The following FBXW8 variants were observed in gnomAD, a reference collection of about 807,000 sequenced individuals.
The protein encoded by FBXW8 is F-box and WD repeat domain containing 8, also known as F-box/WD repeat-containing protein 8.
FBXW8 carries 57 observed loss-of-function variants against 65.3 expected under a neutral mutation model. That is an observed-to-expected ratio of 0.87 (90% confidence interval 0.71 to 1.09). FBXW8 has a LOEUF of 1.09. Ranked by LOEUF, FBXW8 falls within the 50% of genes least tolerant of loss-of-function variation. FBXW8 has a pLI of 0.00. For missense variants in FBXW8, 777 were observed against 814.8 expected, an observed-to-expected ratio of 0.95 and a Z score of 0.57; for synonymous variants, 308 against 330.2, an observed-to-expected ratio of 0.93 and a Z score of 0.73.
At chr12:116,992,399 C>T (rs1019699611) in intron 7 of FBXW8, among the ~76,000 whole-genome samples, 6 of 146,424 alleles carry the variant, frequency 4.1e-5, no homozygotes, top group Non-Finnish European at 6.0e-5. Flanking sequence ...TATTTTTGCC[C>T]TTTTTTTTTT....
intron 6 of FBXW8, among the ~76,000 whole-genome samples, chr12:116,987,778 C>T (rs1885831296): frequency 6.6e-6 from 1 of 152,188 alleles, no homozygotes; most frequent in African/African-American, 2.4e-5. Flanking sequence ...CCCCATGGTT[C>T]AGAATTTAAA....
intron 8 of FBXW8, among the ~76,000 whole-genome samples, chr12:117,021,696 T>C (rs1252769904): frequency 1.3e-5 from 2 of 152,270 alleles, no homozygotes; most frequent in African/African-American, 2.4e-5. Flanking sequence ...TACTGAATTC[T>C]CTGGGACTGT....
At chr12:116,957,338 T>C (rs1883714519) in intron 4 of FBXW8, among the ~76,000 whole-genome samples, 1 of 152,116 alleles carries the variant, frequency 6.6e-6, no homozygotes, top group Non-Finnish European at 1.5e-5. Context: ...AGCGAGACTG[T>C]CTCAAAAAAA....
At chr12:116,935,251 G>A (rs991013272) in intron 2 of FBXW8, among the ~76,000 whole-genome samples, 1 of 152,102 alleles carries the variant, frequency 6.6e-6, no homozygotes, top group African/African-American at 2.4e-5. Flanking sequence ...AGTAATTCTA[G>A]AACCAAAGAC....
chr12:117,010,568 GC>G, intron 8 of FBXW8, 118 bp downstream of exon 8: 1 of 1,363,698 alleles, frequency 7.3e-7, no homozygotes, highest in East Asian at 2.3e-5. Flanking sequence ...CCTGAGTTCA[GC>G]CCCGATCCCA....
intron 7 of FBXW8, chr12:117,002,748 ATTT>A (rs1398930894): frequency 1.3e-5 from 2 of 152,024 alleles, no homozygotes. Flanking sequence ...CTGCATTTTT[ATTT>A]TTTTATTGGC....
intron 7 of FBXW8, among the ~76,000 whole-genome samples, chr12:116,999,232 TGAAGGTGCATTA>T (rs1953451041): frequency 3.3e-5 from 5 of 152,332 alleles, no homozygotes; most frequent in Admixed American, 1.3e-4. Context: ...GCCATGAGGC[TGAAGGTGCATTA>T]AAATGAGGAA....
chr12:116,929,480 C>T (rs1347752172), intron 2 of FBXW8, among the ~76,000 whole-genome samples: 1 of 151,994 alleles, frequency 6.6e-6, no homozygotes, highest in Non-Finnish European at 1.5e-5. Context: ...AGTAATCCAC[C>T]CACCTCAGCC....
intron 8 of FBXW8, among the ~76,000 whole-genome samples, chr12:117,018,692 T>C (rs932060687): frequency 2.0e-5 from 3 of 152,218 alleles, no homozygotes; most frequent in African/African-American, 7.2e-5. Flanking sequence ...TGGTTTGGCC[T>C]ATTTTTTTTT....
intron 1 of FBXW8, among the ~76,000 whole-genome samples, chr12:116,920,451 T>C (rs905535425): frequency 1.3e-5 from 2 of 152,204 alleles, no homozygotes; most frequent in African/African-American, 4.8e-5. Flanking sequence ...ACTTACATTC[T>C]GGGGAAGAGG....
intron 5 of FBXW8, among the ~76,000 whole-genome samples, chr12:116,970,226 A>G (rs953107230): frequency 9.2e-5 from 14 of 152,274 alleles, no homozygotes; most frequent in African/African-American, 1.2e-4. Context: ...GAGATTACAC[A>G]CTTCTTAGGT....
At chr12:116,982,895 A>G (rs920688086) in intron 5 of FBXW8, among the ~76,000 whole-genome samples, 10 of 152,136 alleles carry the variant, frequency 6.6e-5, no homozygotes, top group Admixed American at 3.3e-4. Flanking sequence ...TATTTTATGC[A>G]CTTACAAATG....
intron 5 of FBXW8, among the ~76,000 whole-genome samples, chr12:116,969,718 G>A (rs892636964): frequency 3.3e-5 from 5 of 152,024 alleles, no homozygotes; most frequent in African/African-American, 4.8e-5. Context: ...GCACATTCTC[G>A]GTGGAGGGAA....
chr12:117,028,346 G>A lies in FBXW8; in HGVS notation c.*174G>A. 1 of 774,264 alleles carries A rather than the reference G, an allele frequency of 1.3e-6. No homozygotes were observed. Among genetic ancestry groups the A allele is most frequent in the South Asian group, 1.9e-5 (1 of 53,722 alleles). 48.0% of individuals were successfully genotyped at this position (774,264 alleles called of 1,614,324 possible). On this transcript the variant is annotated 3_prime_UTR_variant, in exon 11 of 11. Transcript: ENST00000652555. This position sits in a 1 kb window ranked among gnomAD's most constrained non-coding sequence, Gnocchi z 4.1. ...CCCTGCACTTCCCCCAGCGCCTGGG[G>A]CAAGCTGGCGTGTGCCAGGGCTCGA...
chr12:116,924,210 G>A lies in FBXW8; in HGVS notation c.319-3813G>A, dbSNP rs75426979. On this transcript the variant is annotated intron_variant, in intron 1 of 10. Coordinates refer to ENST00000652555, the MANE Select transcript of FBXW8 (RefSeq NM_153348.3). ...TTTCATGTTTTTAAGTCAGTGTAGA[G>A]TTGGGTTAACGTGGCCCATAACTTT... Among the ~76,000 whole-genome samples, 1,311 of 151,970 alleles carry A rather than the reference G, an allele frequency of 8.6e-3. 23 individuals are homozygous for A. Among genetic ancestry groups the A allele is most frequent in the African/African-American group, 0.029 (1,209 of 41,458 alleles).
chr12:116,938,550 GA>G (rs1447187226), intron 2 of FBXW8, among the ~76,000 whole-genome samples: 4 of 152,126 alleles, frequency 2.6e-5, no homozygotes, highest in Non-Finnish European at 4.4e-5. Context: ...GAAACTGTTA[GA>G]AAAAGCTGCT....
chr12:117,014,600 T>C (rs1052435592), intron 8 of FBXW8, among the ~76,000 whole-genome samples: 2 of 152,254 alleles, frequency 1.3e-5, no homozygotes, highest in Non-Finnish European at 2.9e-5. Context: ...TTTGTTTTGC[T>C]TTTGAACAGG....
chr12:116,916,386 G>A (rs991556852), intron 1 of FBXW8, among the ~76,000 whole-genome samples: 2 of 152,206 alleles, frequency 1.3e-5, no homozygotes, highest in African/African-American at 2.4e-5. Flanking sequence ...ACCCAGCTGA[G>A]ATGACATGAC....
intron 5 of FBXW8, among the ~76,000 whole-genome samples, chr12:116,965,608 T>C (rs1453095383): frequency 6.6e-6 from 1 of 152,220 alleles, no homozygotes; most frequent in African/African-American, 2.4e-5. Context: ...TATTTCAGAA[T>C]GTTAAGTGTT....
Sources: gnomAD v4.1 joint callset for allele counts (sites outside exome capture counted in the v4.1 genomes callset) on GRCh38, gnomAD v4.1.1 for gene constraint, Gnocchi (gnomAD v3.1) non-coding constraint, MANE v1.5 for transcripts, NCBI Gene and HGNC (gene_info 2026-07-23, HGNC 2026-07-21) for gene names.